Variants in WDR1 observed in about 807,000 individuals in gnomAD.
WDR1 encodes WD repeat domain 1, also known as WD repeat-containing protein 1.
In WDR1, 21 loss-of-function variants were observed where a neutral mutation model predicts 71.9. That is an observed-to-expected ratio of 0.29 (90% confidence interval 0.21 to 0.42). The LOEUF (loss-of-function observed/expected upper bound fraction) is 0.42. WDR1 is among the 10% of genes least tolerant of loss of function. The probability of loss-of-function intolerance (pLI) is 1.00; values close to 1 mark genes in which losing one functional copy is unlikely to be tolerated. For missense variants in WDR1, 696 were observed against 824.5 expected, an observed-to-expected ratio of 0.84 and a Z score of 1.91; for synonymous variants, 424 against 347.4, an observed-to-expected ratio of 1.22 and a Z score of -2.45.
Position 10,088,275 on chromosome 4 carries a change from A to G in WDR1, c.717+18T>C. On this transcript the variant is annotated intron_variant, in intron 7 of 14. Transcript: ENST00000499869. ...GCCAAATTCCCACCACTAGGCCGGG[A>G]AACACGCTCATACTCACTGCGTAAA... 6.4e-7 allele frequency: 1 copy of G among 1,550,814 alleles called. No homozygotes were observed. The highest frequency in any genetic ancestry group is 8.7e-7 in the Non-Finnish European group (1 of 1,147,014).
At chr4:10,086,496 G>A (rs1459533733) in intron 8 of WDR1, among the ~76,000 whole-genome samples, 1 of 152,188 alleles carries the variant, frequency 6.6e-6, no homozygotes, top group Non-Finnish European at 1.5e-5. Context: ...TTCCTCGTGG[G>A]CAAACTCCCA....
intron 9 of WDR1, chr4:10,083,632 G>T (rs1425312570): frequency 2.1e-6 from 1 of 484,848 alleles, no homozygotes; most frequent in South Asian, 1.5e-5. Context: ...CACACAAAAG[G>T]CAGTCTCCAA....
intron 2 of WDR1, among the ~76,000 whole-genome samples, chr4:10,108,896 C>T (rs1364398094): frequency 3.3e-5 from 5 of 152,230 alleles, no homozygotes; most frequent in Non-Finnish European, 7.3e-5. Flanking sequence ...CTACTTTCCA[C>T]CTTGGACTAC....
At chr4:10,092,687 A>G (rs1712072500) in intron 5 of WDR1, 1 of 270,428 alleles carries the variant, frequency 3.7e-6, no homozygotes, top group Admixed American at 4.6e-5. Flanking sequence ...CTTCAAAGAG[A>G]GAAGCCGCGA....
intron 3 of WDR1, among the ~76,000 whole-genome samples, chr4:10,100,355 C>T (rs377153150): frequency 1.3e-5 from 2 of 152,222 alleles, no homozygotes; most frequent in African/African-American, 4.8e-5. Flanking sequence ...CAGAGCCACT[C>T]ACAGGGCTGC....
chr4:10,078,493 T>C, intron 12 of WDR1: 1 of 190,836 alleles, frequency 5.2e-6, no homozygotes, highest in Non-Finnish European at 1.1e-5. Flanking sequence ...CACTCTTCCT[T>C]CAACCTGTGA....
At position 10,099,140 on chromosome 4, in the gene WDR1, C is replaced by G; in HGVS notation, c.230-1G>C. 1 of 1,212,980 alleles carries G rather than the reference C, an allele frequency of 8.2e-7. No individual in the cohort carries two copies. Among genetic ancestry groups the G allele is most frequent in the Non-Finnish European group, 1.1e-6 (1 of 905,752 alleles). The allele number at this position is 1,212,980 out of a possible 1,614,324, so 75.1% of individuals were successfully genotyped here. On this transcript the variant is annotated splice_acceptor_variant, in intron 3 of 14. Coordinates refer to ENST00000499869, the MANE Select transcript of WDR1 (RefSeq NM_017491.5). LOFTEE classifies it high-confidence loss of function. ...CAGATCCTCAGCTTCCCAGACACAT[C>G]TGTGGGGCACAGCGGGCGGGGGAGG...
At chr4:10,110,196 T>C (rs1368340885) in intron 2 of WDR1, among the ~76,000 whole-genome samples, 2 of 152,166 alleles carry the variant, frequency 1.3e-5, no homozygotes, top group African/African-American at 4.8e-5. Flanking sequence ...CCCACAGGTC[T>C]AAGGAGCAGG....
chr4:10,095,242 C>G (rs1039604058), intron 5 of WDR1, among the ~76,000 whole-genome samples: 6 of 152,348 alleles, frequency 3.9e-5, no homozygotes, highest in Middle Eastern at 3.4e-3. Flanking sequence ...AATGAAAGAT[C>G]TGGGGAAAAA....
At position 10,088,193 on chromosome 4, in the gene WDR1, A is replaced by G. The variant is rs553559606; in HGVS notation, c.717+100T>C. 4 of 1,213,280 alleles carry G rather than the reference A, an allele frequency of 3.3e-6. No homozygotes were observed. In the African/African-American group the frequency reaches 4.5e-5, roughly 14 times the overall value. 75.2% of individuals were successfully genotyped at this position (1,213,280 alleles called of 1,614,324 possible). A position where few individuals can be genotyped will look rare whatever the true frequency, so the allele number is the denominator to read the frequency against. On this transcript the variant is annotated intron_variant, in intron 7 of 14. Coordinates refer to ENST00000499869, the MANE Select transcript of WDR1 (RefSeq NM_017491.5). ...AAACCGCCCCGACTTATAGCCCCTC[A>G]TTTCAAGTTTTTGTCTAACTCCGGA...
chr4:10,082,858 G>A (rs1765068907), intron 10 of WDR1, among the ~76,000 whole-genome samples, 164 bp downstream of exon 10: 1 of 152,236 alleles, frequency 6.6e-6, no homozygotes, highest in Non-Finnish European at 1.5e-5. Flanking sequence ...GTAACACAGT[G>A]CTGGGCTCAG....
intron 5 of WDR1, chr4:10,096,648 C>T (rs1712367981): frequency 6.6e-6 from 1 of 152,300 alleles, no homozygotes; most frequent in Non-Finnish European, 1.5e-5. Context: ...TGGGTCCCGT[C>T]CTCGCCCTTT....
chr4:10,103,744 T>C (rs1712844156), intron 3 of WDR1, among the ~76,000 whole-genome samples, 152 bp downstream of exon 3: 1 of 152,082 alleles, frequency 6.6e-6, no homozygotes, highest in South Asian at 2.1e-4. Flanking sequence ...CTAATTATAC[T>C]GGCTCCCCTC....
chr4:10,075,845 A>G (rs998239802), intron 14 of WDR1: 8 of 340,480 alleles, frequency 2.3e-5, no homozygotes, highest in African/African-American at 1.3e-4. Context: ...GACACCACAC[A>G]AACAGCTACA....
chr4:10,102,083 T>C (rs1043696724), intron 3 of WDR1, among the ~76,000 whole-genome samples: 1 of 152,198 alleles, frequency 6.6e-6, no homozygotes, highest in African/African-American at 2.4e-5. Context: ...CCAACAGCAG[T>C]CAGCCAGCTC....
At chr4:10,082,854 C>G (rs2109644922) in intron 10 of WDR1, among the ~76,000 whole-genome samples, 168 bp downstream of exon 10, 1 of 152,312 alleles carries the variant, frequency 6.6e-6, no homozygotes, top group Non-Finnish European at 1.5e-5. Flanking sequence ...ATCTGTAACA[C>G]AGTGCTGGGC....
chr4:10,089,627 C>A (rs774031068), intron 5 of WDR1, among the ~76,000 whole-genome samples: 2 of 152,250 alleles, frequency 1.3e-5, no homozygotes, highest in Non-Finnish European at 2.9e-5. Context: ...TGCTGCCCAC[C>A]TGCAGGCGGC....
intron 5 of WDR1, 99 bp from the exon 6 acceptor site, chr4:10,088,840 A>G: frequency 1.1e-6 from 1 of 938,658 alleles, no homozygotes; most frequent in Non-Finnish European, 1.7e-6. Flanking sequence ...CCAGCTGTTC[A>G]TCAGTGTGAA....
intron 2 of WDR1, among the ~76,000 whole-genome samples, chr4:10,114,022 G>A (rs375250729): frequency 3.9e-5 from 6 of 152,056 alleles, no homozygotes; most frequent in African/African-American, 9.7e-5. Context: ...CTTCCTGAAC[G>A]GTCATGCCAA....
Sources: allele counts gnomAD v4.1 joint callset (sites outside exome capture counted in the v4.1 genomes callset), GRCh38; gene constraint gnomAD v4.1.1; transcripts MANE v1.5; gene names NCBI Gene and HGNC (gene_info 2026-07-23, HGNC 2026-07-21).